Variants in SCFD2 observed in about 807,000 individuals in gnomAD.
SCFD2 encodes sec1 family domain-containing protein 2.
In SCFD2, 54 loss-of-function variants were observed where a neutral mutation model predicts 58.9. The ratio of observed to expected loss-of-function variants is 0.92; its 90% CI spans 0.74 to 1.15. The LOEUF (loss-of-function observed/expected upper bound fraction) is 1.15, where lower values mean the gene tolerates loss of function less well. Among genes scored for constraint, SCFD2 ranks in the 50% most tolerant of loss-of-function variants. The pLI, the probability that SCFD2 is intolerant of heterozygous loss-of-function variation, is 0.00. For missense variants in SCFD2, 805 were observed against 836.6 expected (o/e 0.96, Z 0.47); for synonymous variants, 321 against 335.9 (o/e 0.96, Z 0.49).
intron 5 of SCFD2, among the ~76,000 whole-genome samples, chr4:53,024,602 C>T (rs1394238990): frequency 6.6e-6 from 1 of 151,986 alleles, no homozygotes; most frequent in African/African-American, 2.4e-5. Context: ...GAGACCACTA[C>T]TTTCTGCCAA....
intron 7 of SCFD2, among the ~76,000 whole-genome samples, chr4:52,897,640 G>C (rs934663542): frequency 3.3e-5 from 5 of 152,276 alleles, no homozygotes; most frequent in Admixed American, 2.0e-4. Flanking sequence ...TGTCTGCCAG[G>C]CTTTGGTGTC....
chr4:53,004,516 G>A (rs941209716), intron 5 of SCFD2, among the ~76,000 whole-genome samples: 1 of 152,204 alleles, frequency 6.6e-6, no homozygotes, highest in African/African-American at 2.4e-5. Context: ...CTACAAGATA[G>A]GTACTATTAT....
chr4:52,993,566 A>G (rs769055866), intron 5 of SCFD2, among the ~76,000 whole-genome samples: 7 of 152,156 alleles, frequency 4.6e-5, no homozygotes, highest in Non-Finnish European at 5.9e-5. Flanking sequence ...GTAATTTTTT[A>G]CATACATTGT....
intron 4 of SCFD2, among the ~76,000 whole-genome samples, chr4:53,238,442 G>A (rs1729757295): frequency 6.6e-6 from 1 of 150,598 alleles, no homozygotes; most frequent in Admixed American, 6.6e-5. Context: ...CGGCTGGCCG[G>A]GCAGGGGGCT....
intron 4 of SCFD2, among the ~76,000 whole-genome samples, chr4:53,165,646 T>C (rs144746575): frequency 5.3e-5 from 8 of 152,336 alleles, no homozygotes; most frequent in Non-Finnish European, 1.2e-4. Flanking sequence ...TATAGTCCTT[T>C]TCACCATCCA....
At chr4:53,239,765 C>T (rs567026063) in intron 4 of SCFD2, among the ~76,000 whole-genome samples, 75 of 152,286 alleles carry the variant, frequency 4.9e-4, no homozygotes, top group African/African-American at 1.8e-3. Context: ...CATGAGGCAC[C>T]ATGCCCGGCC....
Position 53,216,276 on chromosome 4 carries a change from T to C in SCFD2, c.1311+57550A>G, listed in dbSNP as rs1018631607. On this transcript the variant is annotated intron_variant, in intron 4 of 8. Transcript: ENST00000401642. Reference sequence around the variant, plus strand: ...ATTCGGCTGTGAATTCGTCTGGCTCTGGACTTTTTTTGGTTCATACGCTAT... The same window carrying C: ...ATTCGGCTGTGAATTCGTCTGGCTCCGGACTTTTTTTGGTTCATACGCTAT... Among the ~76,000 whole-genome samples the C allele has an allele frequency of 7.2e-5, 11 of 152,222 alleles. 1 individual carries two copies. The highest frequency in any genetic ancestry group is 6.5e-4 in the Admixed American group (10 of 15,280).
At chr4:53,276,028 G>T (rs1180525297) in intron 3 of SCFD2, among the ~76,000 whole-genome samples, 2 of 152,054 alleles carry the variant, frequency 1.3e-5, no homozygotes, top group Admixed American at 1.3e-4. Flanking sequence ...TTGTGTGTGT[G>T]TGTGTGTGTG....
intron 5 of SCFD2, among the ~76,000 whole-genome samples, chr4:53,088,068 A>G (rs1724365954): frequency 6.6e-6 from 1 of 152,210 alleles, no homozygotes; most frequent in South Asian, 2.1e-4. Context: ...TGTTAGGTAA[A>G]AAAGGAAGCA....
chr4:53,287,236 T>C (rs1196146098), intron 3 of SCFD2, among the ~76,000 whole-genome samples: 1 of 152,070 alleles, frequency 6.6e-6, no homozygotes, highest in East Asian at 1.9e-4. Context: ...AAACACTGAG[T>C]TCTGAACCCC....
chr4:53,218,106 T>G (rs1053859319), intron 4 of SCFD2, among the ~76,000 whole-genome samples: 1 of 152,212 alleles, frequency 6.6e-6, no homozygotes, highest in Non-Finnish European at 1.5e-5. Context: ...TTGGTGAATC[T>G]GACAATTATG....
At chr4:53,253,724 T>C (rs1407821437) in intron 4 of SCFD2, among the ~76,000 whole-genome samples, 1 of 110,408 alleles carries the variant, frequency 9.1e-6, no homozygotes, top group African/African-American at 3.6e-5. Context: ...GAACATCACA[T>C]GCTGGGGACT....
intron 4 of SCFD2, among the ~76,000 whole-genome samples, chr4:53,248,658 G>A (rs1393273934): frequency 1.3e-5 from 2 of 152,120 alleles, no homozygotes; most frequent in African/African-American, 4.8e-5. Context: ...CCCCAGTAGG[G>A]GCAGACTGAC....
intron 3 of SCFD2, among the ~76,000 whole-genome samples, chr4:53,279,604 T>C (rs934215399): frequency 6.6e-5 from 10 of 152,246 alleles, no homozygotes; most frequent in Non-Finnish European, 1.0e-4. Flanking sequence ...ATATAGTTTG[T>C]GATTCTTATG....
chr4:53,229,055 C>A (rs186037450), intron 4 of SCFD2, among the ~76,000 whole-genome samples: 10 of 152,010 alleles, frequency 6.6e-5, no homozygotes, highest in African/African-American at 9.7e-5. Context: ...TAGGAATCCA[C>A]CTTACAAGGG....
rs180845150 is a variant in SCFD2, at chr4:52,908,337, C to T, written c.1708-746G>A. On this transcript the variant is annotated intron_variant, in intron 6 of 8. Transcript: ENST00000401642. ...ACCCTGCGCTTTCTGAGCTGTTTTT[C>T]ACCACCTCTTTCCTTAGTTCTTGCT... Among the ~76,000 whole-genome samples the T allele has an allele frequency of 6.7e-3, 1,027 of 152,302 alleles. 15 individuals are homozygous for T. Among genetic ancestry groups the T allele is most frequent in the African/African-American group, 0.024 (980 of 41,562 alleles).
chr4:53,157,556 T>C (rs1726727838), intron 4 of SCFD2, among the ~76,000 whole-genome samples: 1 of 152,178 alleles, frequency 6.6e-6, no homozygotes, highest in South Asian at 2.1e-4. Flanking sequence ...AATCCAGCTG[T>C]TTTCTATTCA....
chr4:53,281,435 CA>C (rs995511184), intron 3 of SCFD2, among the ~76,000 whole-genome samples: 2 of 152,118 alleles, frequency 1.3e-5, no homozygotes, highest in African/African-American at 4.8e-5. Flanking sequence ...ACAGGGGTGG[CA>C]ACTTTACTAA....
intron 5 of SCFD2, among the ~76,000 whole-genome samples, chr4:53,123,136 G>A (rs972100265): frequency 1.3e-5 from 2 of 152,120 alleles, no homozygotes; most frequent in African/African-American, 4.8e-5. Flanking sequence ...TAGCATGCTG[G>A]ATATTTACAG....
Sources: gnomAD v4.1 joint callset for allele counts (sites outside exome capture counted in the v4.1 genomes callset) on GRCh38, gnomAD v4.1.1 for gene constraint, MANE v1.5 for transcripts, NCBI Gene and HGNC (gene_info 2026-07-23, HGNC 2026-07-21) for gene names.